CCSER1: variants seen among roughly 807,000 people sequenced by gnomAD.
CCSER1 encodes the protein coiled-coil serine rich protein 1.
In CCSER1, 41 loss-of-function variants were observed where a neutral mutation model predicts 82.0. The ratio of observed to expected loss-of-function variants is 0.50; its 90% confidence interval spans 0.39 to 0.65. CCSER1 has a LOEUF of 0.65. Ranked by LOEUF, CCSER1 falls within the 30% of genes least tolerant of loss-of-function variation. The pLI is 0.00. For missense variants in CCSER1, 1,119 were observed against 1,064.2 expected, an observed-to-expected ratio of 1.05 and a Z score of -0.72; for synonymous variants, 414 against 383.9, an observed-to-expected ratio of 1.08 and a Z score of -0.92.
chr4:90,533,781 TTTTA>T lies in CCSER1; in HGVS notation c.1724+65440_1724+65443del, dbSNP rs530105587. On this transcript the variant is annotated intron_variant, in intron 5 of 10. Coordinates refer to ENST00000509176, the MANE Select transcript of CCSER1 (RefSeq NM_001145065.2). ...GCCCTAGTATTCTATATCATTGTATTTTTATTTATTTATTTAGCCATTCATTCAC... is the reference window on the plus strand; with the variant it reads ...GCCCTAGTATTCTATATCATTGTATTTTTATTTATTTAGCCATTCATTCAC... Among the ~76,000 whole-genome samples the T allele has an allele frequency of 1.8e-3, 276 of 152,310 alleles. 1 individual carries two copies. Among genetic ancestry groups the T allele is most frequent in the African/African-American group, 6.4e-3 (264 of 41,564 alleles).
intron 6 of CCSER1, among the ~76,000 whole-genome samples, chr4:90,717,864 A>C (rs1313921118): frequency 6.6e-6 from 1 of 151,398 alleles, no homozygotes; most frequent in Non-Finnish European, 1.5e-5. Context: ...TTTCTTACTA[A>C]GTTCTTGGGC....
At chr4:90,634,020 G>A (rs1331188395) in intron 6 of CCSER1, among the ~76,000 whole-genome samples, 1 of 151,650 alleles carries the variant, frequency 6.6e-6, no homozygotes, top group Non-Finnish European at 1.5e-5. Flanking sequence ...TAAGGGAAGA[G>A]AACTCTATCA....
At chr4:90,785,963 G>C (rs191213812) in intron 7 of CCSER1, among the ~76,000 whole-genome samples, 1 of 152,296 alleles carries the variant, frequency 6.6e-6, no homozygotes, top group African/African-American at 2.4e-5. Flanking sequence ...GTGGAGCTGA[G>C]AGGTACTTAT....
intron 10 of CCSER1, among the ~76,000 whole-genome samples, chr4:91,177,604 C>T (rs1053660131): frequency 2.6e-5 from 4 of 152,232 alleles, no homozygotes; most frequent in African/African-American, 7.2e-5. Flanking sequence ...AGTTTATTTA[C>T]GTAGAGGTGT....
At chr4:90,328,338 C>CT (rs10716547) in intron 3 of CCSER1, among the ~76,000 whole-genome samples, 39 of 150,318 alleles carry the variant, frequency 2.6e-4, no homozygotes, top group South Asian at 4.2e-4. Flanking sequence ...GGATTCTCTC[C>CT]TTTTTTTTTT....
intron 10 of CCSER1, among the ~76,000 whole-genome samples, chr4:91,522,600 G>T (rs1315766403): frequency 6.6e-6 from 1 of 152,162 alleles, no homozygotes; most frequent in Non-Finnish European, 1.5e-5. Context: ...TACCTTGTAA[G>T]TTGGATTCCT....
At chr4:90,748,911 A>G (rs961757176) in intron 7 of CCSER1, among the ~76,000 whole-genome samples, 4 of 150,498 alleles carry the variant, frequency 2.7e-5, no homozygotes, top group South Asian at 4.2e-4. Flanking sequence ...AAATTTGTTT[A>G]AGTTAATTGT....
chr4:90,247,140 C>T (rs1055662543), intron 1 of CCSER1, among the ~76,000 whole-genome samples: 1 of 152,112 alleles, frequency 6.6e-6, no homozygotes, highest in African/African-American at 2.4e-5. Flanking sequence ...TCATGCTCCT[C>T]AGAATGGCAT....
At position 90,129,730 on chromosome 4, in the gene CCSER1, C is replaced by G. The variant is rs945111020; in HGVS notation, c.-42+1899C>G. ...TTGTTTTATTGCTTTCCTAAACAGT[C>G]CTGTTCTTTGAAAAACAAAGCAGAG... On this transcript the variant is annotated intron_variant, in intron 1 of 10. Coordinates refer to ENST00000509176, the MANE Select transcript of CCSER1 (RefSeq NM_001145065.2). Among the ~76,000 whole-genome samples the G allele has an allele frequency of 6.6e-5, 10 of 152,232 alleles. 1 individual carries two copies. The highest frequency in any genetic ancestry group is 2.4e-4 in the African/African-American group (10 of 41,554).
chr4:91,378,559 A>G lies in CCSER1; in HGVS notation c.2218-220013A>G, dbSNP rs185923152. 7.9e-5 allele frequency among the ~76,000 whole-genome samples: 12 copies of G among 152,184 alleles called. No homozygotes were observed. The East Asian group carries it at 2.3e-3, about 29-fold the overall frequency. The stretch of plus-strand genomic sequence containing the variant: ...TGATTTGGCTCTCTGTTTGTCTGTT[A>G]TTGGTGTATAAGAATGCTTGTGACT... On this transcript the variant is annotated intron_variant, in intron 10 of 10. Transcript: ENST00000509176.
chr4:90,193,347 C>T (rs542204035), intron 1 of CCSER1, among the ~76,000 whole-genome samples: 42 of 152,082 alleles, frequency 2.8e-4, no homozygotes, highest in South Asian at 1.7e-3. Flanking sequence ...AATCTATGGT[C>T]GTACTTCACA....
At chr4:90,385,635 A>G (rs545748368) in intron 3 of CCSER1, among the ~76,000 whole-genome samples, 1 of 150,568 alleles carries the variant, frequency 6.6e-6, no homozygotes, top group South Asian at 2.1e-4. Context: ...AATTTTTTGT[A>G]TTTTTTTGGT....
At chr4:90,301,619 A>G (rs1733136580) in intron 1 of CCSER1, among the ~76,000 whole-genome samples, 1 of 152,130 alleles carries the variant, frequency 6.6e-6, no homozygotes, top group Non-Finnish European at 1.5e-5. Context: ...TTCAAAATAA[A>G]ATAACGTTTA....
intron 10 of CCSER1, among the ~76,000 whole-genome samples, chr4:91,453,744 G>A (rs1755991263): frequency 6.6e-6 from 1 of 152,064 alleles, no homozygotes; most frequent in Non-Finnish European, 1.5e-5. Context: ...CTAGCATAGT[G>A]AGGTGAGTCT....
chr4:91,253,061 C>T (rs1740383720), intron 10 of CCSER1, among the ~76,000 whole-genome samples: 1 of 151,952 alleles, frequency 6.6e-6, no homozygotes, highest in Admixed American at 6.6e-5. Context: ...CCTTGAACAG[C>T]ATGGGCTTGA....
chr4:91,033,186 A>G (rs1741135698), intron 9 of CCSER1, among the ~76,000 whole-genome samples: 1 of 152,180 alleles, frequency 6.6e-6, no homozygotes, highest in African/African-American at 2.4e-5. Flanking sequence ...TGGTTTAAAT[A>G]AAGATATTCT....
intron 3 of CCSER1, among the ~76,000 whole-genome samples, chr4:90,398,839 G>A (rs1408555675): frequency 5.3e-5 from 8 of 151,986 alleles, no homozygotes; most frequent in Non-Finnish European, 8.8e-5. Flanking sequence ...TGGATCCCAC[G>A]TGTTTTTAAA....
chr4:91,018,178 A>T (rs1739607705), intron 9 of CCSER1, among the ~76,000 whole-genome samples: 1 of 152,080 alleles, frequency 6.6e-6, no homozygotes, highest in Admixed American at 6.6e-5. Flanking sequence ...CTATTTATTT[A>T]GCTCAGTACT....
At chr4:91,077,828 CA>C (rs1227253546) in intron 9 of CCSER1, among the ~76,000 whole-genome samples, 2 of 152,226 alleles carry the variant, frequency 1.3e-5, no homozygotes, top group Admixed American at 1.3e-4. Context: ...GCCCCATGGC[CA>C]TGGAGCCTCA....
Sources: gnomAD v4.1 joint callset for allele counts (sites outside exome capture counted in the v4.1 genomes callset) on GRCh38, gnomAD v4.1.1 for gene constraint, MANE v1.5 for transcripts, NCBI Gene and HGNC (gene_info 2026-07-23, HGNC 2026-07-21) for gene names.